The following ZNF143 variants were observed in gnomAD, a reference collection of about 807,000 sequenced individuals.
ZNF143 encodes the protein zinc finger protein 143.
Under a neutral mutation model 74.1 loss-of-function variants are expected in ZNF143, and 49 were observed. That is an observed-to-expected ratio of 0.66 (90% CI 0.53 to 0.84). The LOEUF (loss-of-function observed/expected upper bound fraction) is 0.84. Among genes scored for constraint, ZNF143 ranks in the 40% least tolerant of loss-of-function variants. The probability of loss-of-function intolerance (pLI) is 0.00; values close to 1 mark genes in which losing one functional copy is unlikely to be tolerated. For missense variants in ZNF143, 637 were observed against 793.4 expected (o/e 0.80, Z 2.37); for synonymous variants, 304 against 282.8 (o/e 1.07, Z -0.75).
At position 9,475,134 on chromosome 11, in the gene ZNF143, A is replaced by C. The variant is rs143600415; in HGVS notation, c.373+501A>C. On this transcript the variant is annotated intron_variant, in intron 5 of 15. Transcript: ENST00000396602. ...CTCCTGGCCTCAAGCCAGCCTCCCA[A>C]AGTGCTGGGATTATAGGCGTTAGCT... is the stretch of plus-strand genomic sequence containing the variant. Among the ~76,000 whole-genome samples the C allele has an allele frequency of 1.9e-3, 295 of 151,634 alleles. 8 individuals are homozygous for C. Among genetic ancestry groups the C allele is most frequent in the Admixed American group, 0.017 (252 of 15,222 alleles).
At chr11:9,500,807 C>T (rs1565051450) in intron 10 of ZNF143, among the ~76,000 whole-genome samples, 1 of 152,120 alleles carries the variant, frequency 6.6e-6, no homozygotes, top group Non-Finnish European at 1.5e-5. Context: ...ATGTTTTTCT[C>T]TCTGCTTTTC....
In ZNF143 at chr11:9,513,422, C is replaced by A. The variant is rs180702566; in HGVS notation, c.1524+826C>A. 1.4e-3 allele frequency among the ~76,000 whole-genome samples: 212 copies of A among 152,336 alleles called. 3 individuals are homozygous for A. The Middle Eastern group carries it at 0.02, about 15-fold the overall frequency. On this transcript the variant is annotated intron_variant, in intron 13 of 15. Coordinates refer to ENST00000396602, the MANE Select transcript of ZNF143 (RefSeq NM_003442.6). ...TCTGACTGGTATGCAAGATTATTAA[C>A]CAAGTTTTAATTCTGCATCAGCCTT...
intron 12 of ZNF143, 49 bp downstream of exon 12, chr11:9,508,895 G>C (rs1848449662): frequency 1.3e-6 from 2 of 1,502,214 alleles, no homozygotes; most frequent in African/African-American, 1.4e-5. Context: ...AGAATCAACA[G>C]TTATGAACAT....
chr11:9,497,999 T>G (rs1168837388), intron 10 of ZNF143, among the ~76,000 whole-genome samples, 199 bp downstream of exon 10: 1 of 151,996 alleles, frequency 6.6e-6, no homozygotes, highest in Non-Finnish European at 1.5e-5. Flanking sequence ...CCTGGCTAAT[T>G]TTTTGTATTT....
Position 9,472,773 on chromosome 11 carries a change from T to C in ZNF143, c.205+4T>C. On this transcript the variant is annotated splice_donor_region_variant and intron_variant, in intron 3 of 15. Coordinates refer to ENST00000396602, the MANE Select transcript of ZNF143 (RefSeq NM_003442.6). Reference sequence around the variant, plus strand: ...TACATACAACACAATTCTAAAGGTATGTGCCTCACATATGGCTGATTGGTT... The same window carrying C: ...TACATACAACACAATTCTAAAGGTACGTGCCTCACATATGGCTGATTGGTT... The C allele has an allele frequency of 6.4e-7, 1 of 1,561,600 alleles. No homozygotes were observed. Among genetic ancestry groups the C allele is most frequent in the Non-Finnish European group, 8.6e-7 (1 of 1,158,206 alleles).
chr11:9,513,800 C>T (rs920822904), intron 13 of ZNF143, among the ~76,000 whole-genome samples: 4 of 152,254 alleles, frequency 2.6e-5, no homozygotes, highest in East Asian at 1.9e-4. Context: ...TAGGCTGAGG[C>T]GGGAGGATCA....
At chr11:9,496,541 C>G (rs539191007) in intron 9 of ZNF143, among the ~76,000 whole-genome samples, 163 bp downstream of exon 9, 1 of 151,958 alleles carries the variant, frequency 6.6e-6, no homozygotes, top group East Asian at 1.9e-4. Context: ...TGCTCCAGAC[C>G]CCTCTCTGTT....
At chr11:9,516,406 A>G in intron 14 of ZNF143, 44 bp downstream of exon 14, 1 of 1,526,242 alleles carries the variant, frequency 6.6e-7, no homozygotes, top group Non-Finnish European at 8.9e-7. Context: ...ATATATCAGT[A>G]CCAAAACAGT....
chr11:9,512,863 A>G (rs1214718820), intron 13 of ZNF143, among the ~76,000 whole-genome samples: 1 of 152,206 alleles, frequency 6.6e-6, no homozygotes, highest in Non-Finnish European at 1.5e-5. Flanking sequence ...TCAGGGCTTC[A>G]AAAGTACTGG....
chr11:9,476,744 A>ATTTTTT (rs1465968655), intron 5 of ZNF143, among the ~76,000 whole-genome samples: 59 of 45,934 alleles, frequency 1.3e-3, no homozygotes, highest in South Asian at 2.2e-3. Context: ...AAAGGGAGGA[A>ATTTTTT]TCTTTTTTTT....
chr11:9,468,574 G>A (rs1274723279), intron 1 of ZNF143, among the ~76,000 whole-genome samples: 4 of 152,282 alleles, frequency 2.6e-5, no homozygotes, highest in East Asian at 1.9e-4. Context: ...TTAACCCTTA[G>A]CATCATATGG....
chr11:9,494,517 C>G (rs1847891332), intron 7 of ZNF143, 129 bp from the exon 8 acceptor site: 4 of 825,898 alleles, frequency 4.8e-6, no homozygotes, highest in Admixed American at 5.6e-5. Flanking sequence ...TGTCATGTTG[C>G]CCAGGCTGCT....
At chr11:9,498,514 C>G (rs776650736) in intron 10 of ZNF143, among the ~76,000 whole-genome samples, 1 of 152,210 alleles carries the variant, frequency 6.6e-6, no homozygotes, top group African/African-American at 2.4e-5. Context: ...AAGAAAGATT[C>G]ATTACTTTTT....
Position 9,525,296 on chromosome 11 carries a change from G to A in ZNF143, c.1743G>A (p.Gly581=), listed in dbSNP as rs2134279828. 6.2e-7 allele frequency: 1 copy of A among 1,614,172 alleles called. No individual in the cohort carries two copies. The highest frequency in any genetic ancestry group is 8.5e-7 in the Non-Finnish European group (1 of 1,180,030). ...TCCATACTGCCTCATCAGAAATGGG[G>A]CACCAGCAGCATAGCCATCACTTAG... The part of the protein sequence containing the change: ...AAFHTASSEM[G]HQQHSHHLVT... Residue 581 remains glycine (G), a synonymous_variant, in exon 15 of 16, where the codon GGG becomes GGA. Transcript: ENST00000396602.
intron 7 of ZNF143, among the ~76,000 whole-genome samples, chr11:9,483,651 T>C (rs1847341807): frequency 6.6e-6 from 1 of 150,928 alleles, no homozygotes; most frequent in Non-Finnish European, 1.5e-5. Context: ...TCGCTTAGGC[T>C]GGAGTGCAAT....
At chr11:9,513,392 T>C (rs796782709) in intron 13 of ZNF143, among the ~76,000 whole-genome samples, 5 of 152,366 alleles carry the variant, frequency 3.3e-5, no homozygotes, top group African/African-American at 1.2e-4. Flanking sequence ...CTATACTCTC[T>C]GTCCTCTGAC....
At chr11:9,493,895 T>G (rs1171436848) in intron 7 of ZNF143, among the ~76,000 whole-genome samples, 3 of 152,218 alleles carry the variant, frequency 2.0e-5, no homozygotes, top group Non-Finnish European at 2.9e-5. Context: ...AGTAGTATCA[T>G]ATGGATTGTA....
At chr11:9,467,250 T>G (rs998675470) in intron 1 of ZNF143, among the ~76,000 whole-genome samples, 7 of 151,060 alleles carry the variant, frequency 4.6e-5, no homozygotes, top group African/African-American at 7.3e-5. Context: ...TTTTTTTTTT[T>G]TTTGAGATAG....
intron 13 of ZNF143, among the ~76,000 whole-genome samples, 199 bp downstream of exon 13, chr11:9,512,795 GA>G (rs1848597288): frequency 6.6e-6 from 1 of 152,182 alleles, no homozygotes; most frequent in Admixed American, 6.6e-5. Context: ...TGTAGAATCC[GA>G]ATGGTATTCT....
Sources: gnomAD v4.1 joint callset for allele counts (sites outside exome capture counted in the v4.1 genomes callset) on GRCh38, gnomAD v4.1.1 for gene constraint, MANE v1.5 for transcripts, NCBI Gene and HGNC (gene_info 2026-07-23, HGNC 2026-07-21) for gene names.